GOLGA8A: variants seen among roughly 807,000 people sequenced by gnomAD.
The protein encoded by GOLGA8A is golgin A8 family member A.
In GOLGA8A, 3 loss-of-function variants were observed where a neutral mutation model predicts 22.1. The ratio of observed to expected loss-of-function variants is 0.14; its 90% CI spans 0.06 to 0.35. The LOEUF is 0.35. GOLGA8A is among the 10% of genes least tolerant of loss of function. The pLI is 1.00. For missense variants in GOLGA8A, 16 were observed against 233.2 expected (o/e 0.07, Z 6.07); for synonymous variants, 7 against 91.7 (o/e 0.08, Z 5.28).
At chr15:34,413,030 G>C (rs1186240433) in intron 2 of GOLGA8A, among the ~76,000 whole-genome samples, 1 of 43,422 alleles carries the variant, frequency 2.3e-5, no homozygotes, top group African/African-American at 5.0e-5. Flanking sequence ...GGGCTGGAGA[G>C]AGCAGGGAGT....
chr15:34,429,662 T>A (rs1356090664), intron 2 of GOLGA8A, among the ~76,000 whole-genome samples: 1 of 148,056 alleles, frequency 6.8e-6, no homozygotes, highest in Non-Finnish European at 1.5e-5. Context: ...CCCACCCAGC[T>A]CTAAACTGGG....
At chr15:34,424,594 C>A (rs995056912) in intron 2 of GOLGA8A, among the ~76,000 whole-genome samples, 2 of 137,426 alleles carry the variant, frequency 1.5e-5, no homozygotes, top group Admixed American at 1.5e-4. Context: ...GTGACAACAG[C>A]AGCAGAAGTG....
At position 34,386,639 on chromosome 15, in the gene GOLGA8A, T is replaced by C. The variant is rs199515475; in HGVS notation, c.271A>G (p.Thr91Ala). ...RSIKISRLNDTIKSLKQQKKQ... is the reference protein window; with the variant it reads ...RSIKISRLNDAIKSLKQQKKQ... ...TGGACTCTTACCAAAGATTTGATGG[T>C]GTCATTCAGTCGACTGATTTTTATG... Residue 91 changes from threonine to alanine, a missense_variant, in exon 12 of 25, where the codon ACC becomes GCC. Transcript: ENST00000359187. The C allele has an allele frequency of 6.8e-7, 1 of 1,472,080 alleles. No individual in the cohort carries two copies. The highest frequency in any genetic ancestry group is 2.3e-5 in the East Asian group (1 of 43,686). The allele number at this position is 1,472,080 out of a possible 1,614,324, so 91.2% of individuals were successfully genotyped here. A position where few individuals can be genotyped will look rare whatever the true frequency, so the allele number is the denominator to read the frequency against.
At chr15:34,426,536 C>G (rs888298015) in intron 2 of GOLGA8A, among the ~76,000 whole-genome samples, 2 of 146,274 alleles carry the variant, frequency 1.4e-5, no homozygotes, top group African/African-American at 5.0e-5. Flanking sequence ...CTGTAAAGTT[C>G]TAATCTTTAT....
Position 34,431,565 on chromosome 15 carries a change from T to A in GOLGA8A, c.-1123+3818A>T, listed in dbSNP as rs1478091019. Among the ~76,000 whole-genome samples the A allele has an allele frequency of 7.5e-5, 11 of 147,300 alleles. 1 individual carries two copies. The highest frequency in any genetic ancestry group is 2.5e-4 in the African/African-American group (10 of 39,972). ...GTCTACTGCTCCTAGGCTGCAAAGC[T>A]AGGCAGCATGTTACTGTGCTGAATG... On this transcript the variant is annotated intron_variant, in intron 2 of 24. Transcript: ENST00000359187.
intron 2 of GOLGA8A, among the ~76,000 whole-genome samples, chr15:34,425,948 G>T (rs993949599): frequency 6.9e-6 from 1 of 144,304 alleles, no homozygotes; most frequent in East Asian, 2.2e-4. Flanking sequence ...GATGTCCAGA[G>T]AGTGTCGATG....
intron 2 of GOLGA8A, chr15:34,417,858 G>A (rs2140265147): frequency 6.9e-6 from 1 of 144,794 alleles, no homozygotes. Flanking sequence ...GAAATAATCT[G>A]GAGACATTTT....
At chr15:34,421,436 G>C (rs1300270305) in intron 2 of GOLGA8A, among the ~76,000 whole-genome samples, 2 of 140,266 alleles carry the variant, frequency 1.4e-5, no homozygotes, top group African/African-American at 5.3e-5. Flanking sequence ...GTTTAAAATT[G>C]AAAATCAAAG....
intron 2 of GOLGA8A, among the ~76,000 whole-genome samples, chr15:34,430,882 A>G (rs1411106946): frequency 6.7e-6 from 1 of 149,554 alleles, no homozygotes; most frequent in Non-Finnish European, 1.5e-5. Flanking sequence ...GGCTTCCCAG[A>G]GCTTCCAGTT....
rs1436215036 is a variant in GOLGA8A at position 34,410,751 on chromosome 15, A to G, written c.-1122-3016T>C. The stretch of plus-strand genomic sequence containing the variant: ...AGCTCTTCATTGGTCCAGTTGGGAG[A>G]CATGTTGCGTGGATGCTCCGGCCAC... On this transcript the variant is annotated intron_variant, in intron 2 of 24. Coordinates refer to ENST00000359187, the MANE Select transcript of GOLGA8A (RefSeq NM_181077.5). 1.1e-4 allele frequency among the ~76,000 whole-genome samples: 10 copies of G among 88,058 alleles called. No homozygotes were observed. The Admixed American group carries it at 1.2e-3, about 10-fold the overall frequency. 57.8% of individuals were successfully genotyped at this position (88,058 alleles called of 152,430 possible).
At chr15:34,431,758 G>A (rs1157984539) in intron 2 of GOLGA8A, among the ~76,000 whole-genome samples, 2 of 147,904 alleles carry the variant, frequency 1.4e-5, no homozygotes, top group African/African-American at 2.5e-5. Flanking sequence ...GTATACCTAG[G>A]CTACATTTTA....
Position 34,424,597 on chromosome 15 carries a change from C to T in GOLGA8A, c.-1123+10786G>A, listed in dbSNP as rs565337712. On this transcript the variant is annotated intron_variant, in intron 2 of 24. Transcript: ENST00000359187. The stretch of plus-strand genomic sequence containing the variant: ...GGGATGATCCCAGTGACAACAGCAG[C>T]AGAAGTGAGAGACGCACAAACATGC... 1.4e-3 allele frequency among the ~76,000 whole-genome samples: 185 copies of T among 136,904 alleles called. 2 individuals are homozygous for T. The highest frequency in any genetic ancestry group is 1.5e-3 in the African/African-American group (56 of 36,638). 89.8% of individuals were successfully genotyped at this position (136,904 alleles called of 152,430 possible).
intron 2 of GOLGA8A, among the ~76,000 whole-genome samples, chr15:34,428,282 G>C (rs1893071565): frequency 6.8e-6 from 1 of 147,498 alleles, no homozygotes; most frequent in Admixed American, 6.9e-5. Flanking sequence ...TTTTGTAGAG[G>C]TGAGGTCTCC....
rs1059924 is a variant in GOLGA8A, at chr15:34,379,350, T to C, written c.*2061A>G. On this transcript the variant is annotated 3_prime_UTR_variant, in exon 25 of 25. Transcript: ENST00000359187. ...ACATTAAGATAGCAGTTACATTTTT[T>C]AATATTTATATTATTTTAAAATGAC... 2 of 152,724 alleles carry C rather than the reference T, an allele frequency of 1.3e-5. No individual in the cohort carries two copies. Among genetic ancestry groups the C allele is most frequent in the African/African-American group, 4.8e-5 (2 of 41,596 alleles). The allele number at this position is 152,724 out of a possible 1,614,324, so 9.5% of individuals were successfully genotyped here. A position where few individuals can be genotyped will look rare whatever the true frequency, so the allele number is the denominator to read the frequency against.
chr15:34,436,116 G>A (rs987532210), intron 1 of GOLGA8A, among the ~76,000 whole-genome samples: 4 of 148,746 alleles, frequency 2.7e-5, no homozygotes, highest in African/African-American at 7.5e-5. Context: ...TCTGGGAGGG[G>A]AGAAACCCCT....
At chr15:34,431,291 TTATATATATATATATATA>T (rs1228048903) in intron 2 of GOLGA8A, among the ~76,000 whole-genome samples, 1 of 112,136 alleles carries the variant, frequency 8.9e-6, no homozygotes, top group African/African-American at 3.5e-5. Context: ...TGAAAAAAAA[TTATATATATATATATATA>T]TACATATATA....
intron 2 of GOLGA8A, among the ~76,000 whole-genome samples, chr15:34,429,134 C>T (rs1324366731): frequency 1.4e-5 from 2 of 147,088 alleles, no homozygotes; most frequent in African/African-American, 2.5e-5. Flanking sequence ...ACCCTCCTCT[C>T]GCCTCTGGAT....
rs1029015756 is a variant in GOLGA8A at position 34,436,298 on chromosome 15, A to C, written c.-1211-827T>G. ...CTTTCTGAAACAGGAAGGAAAATAG[A>C]AAAACAAACAAAAACAAAGAGGCAC... is the stretch of plus-strand genomic sequence containing the variant. On this transcript the variant is annotated intron_variant, in intron 1 of 24. Coordinates refer to ENST00000359187, the MANE Select transcript of GOLGA8A (RefSeq NM_181077.5). Among the ~76,000 whole-genome samples, 2 of 149,400 alleles carry C rather than the reference A, an allele frequency of 1.3e-5. 1 individual carries two copies. The highest frequency in any genetic ancestry group is 3.0e-5 in the Non-Finnish European group (2 of 67,176).
chr15:34,433,252 T>C (rs1487163145), intron 2 of GOLGA8A, among the ~76,000 whole-genome samples: 2 of 148,834 alleles, frequency 1.3e-5, no homozygotes, highest in Non-Finnish European at 3.0e-5. Context: ...AGTCTGACAT[T>C]AGGTACAGGA....
Sources: gnomAD v4.1 joint callset for allele counts (sites outside exome capture counted in the v4.1 genomes callset) on GRCh38, gnomAD v4.1.1 for gene constraint, MANE v1.5 for transcripts, NCBI Gene and HGNC (gene_info 2026-07-23, HGNC 2026-07-21) for gene names.